The following WASHC3 variants were observed in gnomAD, a reference collection of about 807,000 sequenced individuals.
WASHC3 encodes WASH complex subunit 3, also known as WASH complex subunit CCDC53.
A neutral mutation model predicts 26.1 loss-of-function variants in WASHC3; 24 were observed. The ratio of observed to expected loss-of-function variants is 0.92; its 90% CI spans 0.66 to 1.29. WASHC3 has a LOEUF of 1.29. WASHC3 is among the 50% of genes most tolerant of loss of function. WASHC3 has a pLI of 0.00. For missense variants in WASHC3, 214 were observed against 229.6 expected (o/e 0.93, Z 0.44); for synonymous variants, 77 against 75.7 (o/e 1.02, Z -0.09).
At chr12:102,024,485 TA>T (rs1877092044) in intron 6 of WASHC3, among the ~76,000 whole-genome samples, 2 of 152,184 alleles carry the variant, frequency 1.3e-5, no homozygotes, top group Non-Finnish European at 2.9e-5. Flanking sequence ...CTGTAGTGGG[TA>T]AGGAAGAAGA....
In WASHC3 at chr12:102,046,072, G is replaced by A. The variant is rs1224158003; in HGVS notation, c.198C>T (p.Leu66=). The stretch of plus-strand genomic sequence containing the variant: ...TACCAACCTTTGCATCTAAAATATT[G>A]AGAGTTGTTTCAATTTGTTGGATAC... ...SLRIQQIETT[L]NILDAKLSSI... Residue 66 remains leucine, a synonymous_variant, in exon 3 of 7, where the codon CTC becomes CTT. Transcript: ENST00000240079. The A allele has an allele frequency of 6.3e-7, 1 of 1,594,200 alleles. No homozygotes were observed. Among genetic ancestry groups the A allele is most frequent in the South Asian group, 1.1e-5 (1 of 88,406 alleles).
chr12:102,041,863 T>C (rs1361273748), intron 4 of WASHC3, among the ~76,000 whole-genome samples: 1 of 152,030 alleles, frequency 6.6e-6, no homozygotes, highest in East Asian at 1.9e-4. Flanking sequence ...TTAAATAAAA[T>C]TGCCAGAGAT....
At chr12:102,061,882 G>C in intron 1 of WASHC3, 30 bp downstream of exon 1, 1 of 1,570,064 alleles carries the variant, frequency 6.4e-7, no homozygotes, top group Non-Finnish European at 8.7e-7. Context: ...CTCCCGGCTC[G>C]TCGGGAGTCT....
chr12:102,060,986 G>C lies in WASHC3; in HGVS notation c.150+262C>G, dbSNP rs576754028. 1.7e-3 allele frequency among the ~76,000 whole-genome samples: 232 copies of C among 132,918 alleles called. No homozygotes were observed. The highest frequency in any genetic ancestry group is 6.3e-3 in the African/African-American group (213 of 33,842). The allele number at this position is 132,918 out of a possible 152,430, so 87.2% of individuals were successfully genotyped here. A position where few individuals can be genotyped will look rare whatever the true frequency, so the allele number is the denominator to read the frequency against. ...AAAAAAAAAAAAAAAAAAAAAATTA[G>C]ATTTCCTATTGTTCCCTTTAATCGC... On this transcript the variant is annotated intron_variant, in intron 2 of 6. Coordinates refer to ENST00000240079, the MANE Select transcript of WASHC3 (RefSeq NM_016053.4).
chr12:102,051,060 G>GT (rs1259963002), intron 2 of WASHC3, among the ~76,000 whole-genome samples: 4 of 152,214 alleles, frequency 2.6e-5, no homozygotes, highest in African/African-American at 9.7e-5. Context: ...ACAGAATGCA[G>GT]TTTTATACTC....
intron 2 of WASHC3, among the ~76,000 whole-genome samples, chr12:102,052,644 G>A (rs1386320332): frequency 2.0e-5 from 3 of 151,982 alleles, no homozygotes; most frequent in Admixed American, 2.0e-4. Flanking sequence ...CACCAGGTCA[G>A]CTCCTGCAGA....
chr12:102,018,457 C>T (rs1378748078), intron 6 of WASHC3, among the ~76,000 whole-genome samples: 2 of 152,132 alleles, frequency 1.3e-5, no homozygotes, highest in African/African-American at 4.8e-5. Context: ...CATATCCTTA[C>T]CAGTACTTAT....
chr12:102,028,199 A>T (rs1330517085), intron 5 of WASHC3, among the ~76,000 whole-genome samples: 2 of 152,208 alleles, frequency 1.3e-5, no homozygotes, highest in African/African-American at 4.8e-5. Context: ...CTAAGACTTG[A>T]ATGAAATATA....
chr12:102,016,680 G>C lies in WASHC3; in HGVS notation c.501-3488C>G, dbSNP rs116242083. ...ACCTTTTAGTCAGACAGGATATGGA[G>C]AACAGTCATATTGATGATCCTGACA... On this transcript the variant is annotated intron_variant, in intron 6 of 6. Coordinates refer to ENST00000240079, the MANE Select transcript of WASHC3 (RefSeq NM_016053.4). Among the ~76,000 whole-genome samples, 912 of 152,280 alleles carry C rather than the reference G, an allele frequency of 6.0e-3. 4 individuals carry two copies. Among genetic ancestry groups the C allele is most frequent in the African/African-American group, 0.021 (868 of 41,550 alleles).
chr12:102,027,797 T>C (rs1259109321), intron 5 of WASHC3, among the ~76,000 whole-genome samples: 1 of 152,170 alleles, frequency 6.6e-6, no homozygotes, highest in African/African-American at 2.4e-5. Flanking sequence ...AATGTGGTCA[T>C]TTGCAGGCCC....
intron 5 of WASHC3, among the ~76,000 whole-genome samples, chr12:102,028,490 G>C (rs1273558431): frequency 2.6e-5 from 4 of 152,048 alleles, no homozygotes; most frequent in Non-Finnish European, 4.4e-5. Flanking sequence ...ATAAACTCAA[G>C]CATGTGATTT....
rs202243547 is a variant in WASHC3, at chr12:102,044,213, C to G, written c.217-1G>C. The stretch of plus-strand genomic sequence containing the variant: ...CATCTAGGCCTGGGATAGATGACAA[C>G]TGAGAAAAGAAAATTAGTATTGGAA... On this transcript the variant is annotated splice_acceptor_variant, in intron 3 of 6. Transcript: ENST00000240079. LOFTEE classifies it high-confidence loss of function. 5.6e-5 allele frequency: 85 copies of G among 1,523,732 alleles called. No homozygotes were observed. The highest frequency in any genetic ancestry group is 7.1e-5 in the Non-Finnish European group (79 of 1,109,228). The allele number at this position is 1,523,732 out of a possible 1,614,324, so 94.4% of individuals were successfully genotyped here. A position where few individuals can be genotyped will look rare whatever the true frequency, so the allele number is the denominator to read the frequency against.
At chr12:102,013,687 G>A (rs968912129) in intron 6 of WASHC3, among the ~76,000 whole-genome samples, 10 of 152,200 alleles carry the variant, frequency 6.6e-5, no homozygotes, top group Non-Finnish European at 1.0e-4. Context: ...ATTTTGTAGC[G>A]AAGGAGAGTG....
chr12:102,014,159 T>C (rs1261851329), intron 6 of WASHC3, among the ~76,000 whole-genome samples: 3 of 133,412 alleles, frequency 2.2e-5, no homozygotes, highest in Admixed American at 8.6e-5. Flanking sequence ...CTCGGCTCAC[T>C]GCAACCTCTG....
At chr12:102,030,157 T>C (rs746872816) in intron 5 of WASHC3, among the ~76,000 whole-genome samples, 1 of 150,994 alleles carries the variant, frequency 6.6e-6, no homozygotes, top group African/African-American at 2.4e-5. Flanking sequence ...TAGCCAGGAG[T>C]GGTGGCACAT....
At chr12:102,017,281 G>T (rs1876746536) in intron 6 of WASHC3, among the ~76,000 whole-genome samples, 1 of 152,030 alleles carries the variant, frequency 6.6e-6, no homozygotes, top group African/African-American at 2.4e-5. Context: ...TATGACGTTT[G>T]CACAATGACA....
chr12:102,016,038 C>T (rs561718347), intron 6 of WASHC3, among the ~76,000 whole-genome samples: 3 of 152,004 alleles, frequency 2.0e-5, no homozygotes, highest in Non-Finnish European at 2.9e-5. Flanking sequence ...TACAGGCATG[C>T]GCCACCACCC....
At chr12:102,028,952 T>C (rs1877317882) in intron 5 of WASHC3, among the ~76,000 whole-genome samples, 1 of 152,228 alleles carries the variant, frequency 6.6e-6, no homozygotes, top group African/African-American at 2.4e-5. Context: ...GCATTTTTAG[T>C]CATTTCTGTA....
chr12:102,057,251 T>G (rs181010384), intron 2 of WASHC3, among the ~76,000 whole-genome samples: 133 of 152,256 alleles, frequency 8.7e-4, no homozygotes, highest in Non-Finnish European at 2.1e-4. Context: ...AAATTAGGTA[T>G]AGAAAGAATC....
Sources: allele counts gnomAD v4.1 joint callset (sites outside exome capture counted in the v4.1 genomes callset), GRCh38; gene constraint gnomAD v4.1.1; transcripts MANE v1.5; gene names NCBI Gene and HGNC (gene_info 2026-07-23, HGNC 2026-07-21).